Variants in CFAP58 observed in about 807,000 individuals in gnomAD.
CFAP58 encodes cilia and flagella associated protein 58.
A neutral mutation model predicts 119.5 loss-of-function variants in CFAP58; 88 were observed. The ratio of observed to expected loss-of-function variants is 0.74; its 90% confidence interval spans 0.62 to 0.88. CFAP58 has a LOEUF of 0.88. Ranked by LOEUF, CFAP58 falls within the 40% of genes least tolerant of loss-of-function variation. The pLI is 0.00. For missense variants in CFAP58, 990 were observed against 1,021.2 expected (o/e 0.97, Z 0.42); for synonymous variants, 365 against 366.3 (o/e 1.00, Z 0.04).
the CFAP58 span, among the ~76,000 whole-genome samples, chr10:104,346,093 C>T: frequency 2.6e-5 from 4 of 151,746 alleles, no homozygotes; most frequent in Non-Finnish European, 5.9e-5. Context: ...TGGTGGAAGG[C>T]GAAGTGTGAG....
chr10:104,365,720 A>G, intron 4 of CFAP58, 94 bp from the exon 5 acceptor site: 1 of 1,123,764 alleles, frequency 8.9e-7, no homozygotes, highest in South Asian at 1.7e-5. Context: ...TGCCTTGACA[A>G]TCACAGACCT....
At chr10:104,400,241 G>A (rs1172060676) in intron 12 of CFAP58, among the ~76,000 whole-genome samples, 1 of 152,072 alleles carries the variant, frequency 6.6e-6, no homozygotes, top group Non-Finnish European at 1.5e-5. Flanking sequence ...TCTCCTCCCA[G>A]GCTCCAGTGA....
Position 104,380,175 on chromosome 10 carries a change from G to T in CFAP58, c.1320G>T (p.Lys440Asn). The change falls in exon 9 of 18, where the codon AAG becomes AAT. Residue 440 changes from lysine (K) to asparagine (N), a missense_variant. Physicochemically the swap from Lys to Asn is moderately conservative, Grantham distance 94. Coordinates refer to ENST00000369704, the MANE Select transcript of CFAP58 (RefSeq NM_001008723.2). Reference sequence around the variant, plus strand: ...GAAAGATCATCTTTCATCTGGAAAAGGAGCGTGACCGGTACATCAACCAAG... The same window carrying T: ...GAAAGATCATCTTTCATCTGGAAAATGAGCGTGACCGGTACATCAACCAAG... ...KQRKIIFHLEKERDRYINQAS... is the reference protein window; with the variant it reads ...KQRKIIFHLENERDRYINQAS... 1 of 1,614,116 alleles carries T rather than the reference G, an allele frequency of 6.2e-7. No individual in the cohort carries two copies.
intron 16 of CFAP58, 137 bp downstream of exon 16, chr10:104,447,954 TCTAGTCTAGGATGAGCCAGCA>T: frequency 1.8e-6 from 2 of 1,119,186 alleles, no homozygotes; most frequent in Non-Finnish European, 2.5e-6. Context: ...CCCTTAGAGC[TCTAGTCTAGGATGAGCCAGCA>T]GACCTCAGAG....
chr10:104,445,552 C>T (rs1056289593), intron 15 of CFAP58, among the ~76,000 whole-genome samples: 1 of 152,126 alleles, frequency 6.6e-6, no homozygotes, highest in African/African-American at 2.4e-5. Context: ...TCTAATGTGG[C>T]TTTGAACCTG....
At chr10:104,410,636 T>C (rs2012445211) in intron 15 of CFAP58, among the ~76,000 whole-genome samples, 1 of 152,194 alleles carries the variant, frequency 6.6e-6, no homozygotes, top group Admixed American at 6.5e-5. Flanking sequence ...ACCTGCCTTT[T>C]CTTCTGTTTG....
At chr10:104,450,920 G>A (rs931379113) in intron 17 of CFAP58, among the ~76,000 whole-genome samples, 4 of 152,024 alleles carry the variant, frequency 2.6e-5, no homozygotes, top group African/African-American at 7.3e-5. Context: ...CTGCTGTGGA[G>A]GGTTGATGTG....
intron 8 of CFAP58, 67 bp from the exon 9 acceptor site, chr10:104,379,962 G>C (rs2011749393): frequency 7.6e-7 from 1 of 1,320,826 alleles, no homozygotes; most frequent in Non-Finnish European, 1.1e-6. Flanking sequence ...ATGAGGCAGA[G>C]GGTAAACTTA....
chr10:104,411,573 TTCAGGTTAAGGG>T (rs915597677), intron 15 of CFAP58, among the ~76,000 whole-genome samples: 1 of 152,134 alleles, frequency 6.6e-6, no homozygotes, highest in Non-Finnish European at 1.5e-5. Context: ...TTGGGAATGG[TTCAGGTTAAGGG>T]TATGTCCATT....
chr10:104,373,950 T>C (rs17116966), intron 7 of CFAP58, among the ~76,000 whole-genome samples: 1,588 of 152,332 alleles, frequency 0.01, 36 homozygotes, highest in African/African-American at 0.037. Context: ...CCTACCAGTG[T>C]GCAGTATGGA....
intron 15 of CFAP58, among the ~76,000 whole-genome samples, chr10:104,433,231 T>C (rs564171316): frequency 2.0e-5 from 3 of 152,192 alleles, no homozygotes; most frequent in Non-Finnish European, 4.4e-5. Context: ...GTAGCTACGA[T>C]TGTAGGCATG....
intron 9 of CFAP58, among the ~76,000 whole-genome samples, chr10:104,384,534 G>A (rs972958061): frequency 1.3e-5 from 2 of 152,196 alleles, no homozygotes; most frequent in Non-Finnish European, 2.9e-5. Context: ...GAAGCCCCAC[G>A]GTAAAGGTCT....
intron 15 of CFAP58, among the ~76,000 whole-genome samples, chr10:104,440,022 C>T (rs2013010640): frequency 6.6e-6 from 1 of 152,152 alleles, no homozygotes; most frequent in Admixed American, 6.5e-5. Context: ...CGGGGTTTCA[C>T]CGTGTTAGCC....
At chr10:104,407,508 A>G (rs1158946954) in intron 15 of CFAP58, among the ~76,000 whole-genome samples, 1 of 152,140 alleles carries the variant, frequency 6.6e-6, no homozygotes, top group Non-Finnish European at 1.5e-5. Context: ...GGTTTGGAAT[A>G]CTGCCAGTTG....
At chr10:104,381,277 T>C (rs951771640) in intron 9 of CFAP58, among the ~76,000 whole-genome samples, 3 of 152,170 alleles carry the variant, frequency 2.0e-5, no homozygotes, top group East Asian at 1.9e-4. Context: ...GGCTCGAGGA[T>C]ATATGTCTCC....
the CFAP58 span, among the ~76,000 whole-genome samples, chr10:104,346,292 T>C: frequency 5.9e-5 from 9 of 152,054 alleles, no homozygotes; most frequent in African/African-American, 2.2e-4. Flanking sequence ...AAGTCATGTA[T>C]CAACATGAGA....
Position 104,368,456 on chromosome 10 carries a change from C to T in CFAP58, c.826C>T (p.Gln276Ter). ...LNERAAKELEQFQMRNAKLQQ... is the reference protein window; with the variant it reads ...LNERAAKELE The stretch of plus-strand genomic sequence containing the variant: ...TGAGAGAGCTGCAAAGGAACTCGAG[C>T]AATTTCAGATGAGAAATGCTAAACT... Residue 276 changes from glutamine (Q) to a stop codon, truncating the protein, a stop_gained, in exon 6 of 18, where the codon CAA becomes TAA. Transcript: ENST00000369704. LOFTEE classifies it high-confidence loss of function. 1 of 1,613,920 alleles carries T rather than the reference C, an allele frequency of 6.2e-7. No individual in the cohort carries two copies. The highest frequency in any genetic ancestry group is 8.5e-7 in the Non-Finnish European group (1 of 1,179,872).
chr10:104,426,238 A>AAAAAC (rs1163797431), intron 15 of CFAP58, among the ~76,000 whole-genome samples: 2 of 152,122 alleles, frequency 1.3e-5, no homozygotes, highest in African/African-American at 4.8e-5. Context: ...GACCCATCTG[A>AAAAAC]AAAACAAAAC....
chr10:104,402,468 G>C (rs150344470), intron 13 of CFAP58, among the ~76,000 whole-genome samples: 8 of 152,290 alleles, frequency 5.3e-5, no homozygotes, highest in Non-Finnish European at 1.2e-4. Flanking sequence ...AGATGGCTTA[G>C]TATTAGTAAT....
Sources: allele counts gnomAD v4.1 joint callset (sites outside exome capture counted in the v4.1 genomes callset), GRCh38; gene constraint gnomAD v4.1.1; transcripts MANE v1.5; gene names NCBI Gene and HGNC (gene_info 2026-07-23, HGNC 2026-07-21).